CETP: variants seen among roughly 807,000 people sequenced by gnomAD.
The protein encoded by CETP is cholesteryl ester transfer protein.
In CETP, 56 loss-of-function variants were observed where a neutral mutation model predicts 66.5. The ratio of observed to expected loss-of-function variants is 0.84; its 90% CI spans 0.68 to 1.05. The LOEUF is 1.05. CETP is among the 50% of genes least tolerant of loss of function. CETP has a pLI of 0.00. For missense variants in CETP, 612 were observed against 609.6 expected (o/e 1.00, Z -0.04); for synonymous variants, 251 against 245.7 (o/e 1.02, Z -0.20).
intron 11 of CETP, among the ~76,000 whole-genome samples, chr16:56,979,660 G>A (rs142057472): frequency 0.019 from 2,860 of 151,890 alleles, 96 homozygotes; most frequent in African/African-American, 0.065. Context: ...CACTACAGGC[G>A]CGTGCCACCA....
chr16:56,969,828 G>T, intron 4 of CETP, 86 bp from the exon 5 acceptor site: 1 of 1,549,698 alleles, frequency 6.5e-7, no homozygotes. Context: ...CCCCAGAGCT[G>T]GCCAAGCTCT....
chr16:56,969,273 A>T, intron 2 of CETP, 113 bp from the exon 3 acceptor site: 3 of 1,398,368 alleles, frequency 2.1e-6, no homozygotes, highest in Non-Finnish European at 3.0e-6. Context: ...TTAGGAGGAC[A>T]TTTTGGGGGC....
Position 56,981,684 on chromosome 16 carries a change from G to A in CETP, c.1248+4G>A. ...GACTGTTTCCAACTTGACTGAGGTA[G>A]GTAGTCTTGGATAGACTGGGGGAAA... On this transcript the variant is annotated splice_donor_region_variant and intron_variant, in intron 13 of 15. Transcript: ENST00000200676. The A allele has an allele frequency of 1.9e-6, 3 of 1,613,882 alleles. No individual in the cohort carries two copies. Among genetic ancestry groups the A allele is most frequent in the Non-Finnish European group, 2.5e-6 (3 of 1,179,758 alleles).
chr16:56,971,847 A>G, intron 7 of CETP, 145 bp from the exon 8 acceptor site: 3 of 740,940 alleles, frequency 4.0e-6, no homozygotes, highest in Non-Finnish European at 7.2e-6. Flanking sequence ...AAAAAGTGCC[A>G]CACCCCTCCC....
Position 56,969,595 on chromosome 16 carries a change from C to T in CETP, c.369-16C>T, listed in dbSNP as rs376995547. ...GGAGGGCTGAATGAGGGTCCTGGGTCCTTGGCTCTTTCCAGGCTGGGTATT... is the reference window on the plus strand; with the variant it reads ...GGAGGGCTGAATGAGGGTCCTGGGTTCTTGGCTCTTTCCAGGCTGGGTATT... On this transcript the variant is annotated splice_polypyrimidine_tract_variant and intron_variant, in intron 3 of 15. Coordinates refer to ENST00000200676, the MANE Select transcript of CETP (RefSeq NM_000078.3). The T allele has an allele frequency of 3.8e-5, 62 of 1,614,214 alleles. No homozygotes were observed. The African/African-American group carries it at 6.9e-4, about 18-fold the overall frequency.
intron 7 of CETP, 56 bp from the exon 8 acceptor site, chr16:56,971,936 T>G (rs1302929113): frequency 5.5e-6 from 8 of 1,459,344 alleles, no homozygotes; most frequent in Admixed American, 1.7e-5. Context: ...AGGGGAGCGG[T>G]GACTCAGGGC....
Position 56,970,985 on chromosome 16 carries a change from G to A in CETP, c.528-48G>A, listed in dbSNP as rs771618514. On this transcript the variant is annotated intron_variant, in intron 5 of 15. Transcript: ENST00000200676. ...CCTGGTACACACTAGGCGCTCCATG[G>A]ATGCACAGGACTGGTCAGGGGCTCA... 16 of 1,581,366 alleles carry A rather than the reference G, an allele frequency of 1.0e-5. No homozygotes were observed. The East Asian group carries it at 3.1e-4, about 31-fold the overall frequency.
intron 10 of CETP, among the ~76,000 whole-genome samples, chr16:56,975,802 C>G (rs2056146070): frequency 6.6e-6 from 1 of 152,082 alleles, no homozygotes; most frequent in Non-Finnish European, 1.5e-5. Context: ...TCCAGCTGCC[C>G]CCTCCTGTCT....
At chr16:56,981,517 A>C (rs1191286610) in intron 12 of CETP, 130 bp from the exon 13 acceptor site, 71 of 1,151,152 alleles carry the variant, frequency 6.2e-5, no homozygotes, top group Non-Finnish European at 8.9e-5. Context: ...GCAAATCTCA[A>C]GAGAGTGCCC....
rs1272538970 is a variant in CETP at position 56,978,352 on chromosome 16, C to G, written c.1146+97C>G. Reference sequence around the variant, plus strand: ...TGGGGGTCTCTGAAGCCTCCAGATCCTTCTCACCACCTCTGCTGGCACTGG... The same window carrying G: ...TGGGGGTCTCTGAAGCCTCCAGATCGTTCTCACCACCTCTGCTGGCACTGG... On this transcript the variant is annotated intron_variant, in intron 11 of 15. Coordinates refer to ENST00000200676, the MANE Select transcript of CETP (RefSeq NM_000078.3). 1.0e-5 allele frequency: 14 copies of G among 1,404,838 alleles called. No individual in the cohort carries two copies. The African/African-American group carries it at 1.7e-4, about 17-fold the overall frequency. 87.0% of individuals were successfully genotyped at this position (1,404,838 alleles called of 1,614,324 possible). A position where few individuals can be genotyped will look rare whatever the true frequency, so the allele number is the denominator to read the frequency against.
At position 56,963,000 on chromosome 16, in the gene CETP, T is replaced by A. The variant is rs2056035660; in HGVS notation, c.119-10T>A. ...GCCTGCAGCCCCTCATCCACTGCCC[T>A]CCCCTCTAGTGAACCACGAGACTGC... On this transcript the variant is annotated splice_polypyrimidine_tract_variant and intron_variant, in intron 1 of 15. Transcript: ENST00000200676. 1 of 1,612,458 alleles carries A rather than the reference T, an allele frequency of 6.2e-7. No homozygotes were observed. Among genetic ancestry groups the A allele is most frequent in the Non-Finnish European group, 8.5e-7 (1 of 1,178,668 alleles).
At chr16:56,975,482 G>A (rs552688526) in intron 10 of CETP, among the ~76,000 whole-genome samples, 7 of 152,308 alleles carry the variant, frequency 4.6e-5, no homozygotes, top group African/African-American at 1.4e-4. Context: ...ATAGGGACTT[G>A]TAGGGGGCTG....
Position 56,973,376 on chromosome 16 carries a change from A to G in CETP, c.796A>G (p.Thr266Ala). The change falls in exon 9 of 16, where the codon ACC becomes GCC. Residue 266 changes from threonine to alanine, a missense_variant. Thr to Ala is a moderately conservative substitution (Grantham distance 58). Transcript: ENST00000200676. ...KNVSEDLPLP[T>A]FSPTLLGDSR... ...TGTCTCAGAGGACCTCCCCCTCCCC[A>G]CCTTCTCGCCCACACTGCTGGGGGA... The G allele has an allele frequency of 6.2e-7, 1 of 1,613,844 alleles. No homozygotes were observed. The highest frequency in any genetic ancestry group is 8.5e-7 in the Non-Finnish European group (1 of 1,179,972).
In CETP at chr16:56,973,447, G is replaced by A. The variant is rs375666118; in HGVS notation, c.867G>A (p.Ser289=). The A allele has an allele frequency of 8.7e-6, 14 of 1,614,160 alleles. No individual in the cohort carries two copies. The highest frequency in any genetic ancestry group is 3.3e-5 in the South Asian group (3 of 91,084). The stretch of plus-strand genomic sequence containing the variant: ...GGTTCTCTGAGCGAGTCTTCCACTC[G>A]CTGGCCAAGGTAGCTTTCCAGGATG... ...YFWFSERVFH[S]LAKVAFQDGR... is the part of the protein sequence containing the mutation. The change falls in exon 9 of 16, where the codon TCG becomes TCA. Residue 289 remains serine, a synonymous_variant. Transcript: ENST00000200676.
At chr16:56,974,024 G>A (rs1440959237) in intron 9 of CETP, among the ~76,000 whole-genome samples, 3 of 152,290 alleles carry the variant, frequency 2.0e-5, no homozygotes, top group Admixed American at 2.0e-4. Context: ...TTAGGTCAGG[G>A]GTCCATCTTT....
chr16:56,982,169 G>A lies in CETP; in HGVS notation c.1253G>A (p.Ser418Asn). The change falls in exon 14 of 16, where the codon AGC (serine) becomes AAC (asparagine). Residue 418 changes from serine (S) to asparagine (N), a missense_variant. Physicochemically the swap from Ser to Asn is conservative, Grantham distance 46 (BLOSUM62 1). Transcript: ENST00000200676. Reference sequence around the variant, plus strand: ...CCATGGGCATTTGATTGGCAGAGCAGCTCCGAGTCCGTCCAGAGCTTCCTG... The same window carrying A: ...CCATGGGCATTTGATTGGCAGAGCAACTCCGAGTCCGTCCAGAGCTTCCTG... ...PKTVSNLTES[S>N]SESVQSFLQS... The A allele has an allele frequency of 3.1e-6, 5 of 1,614,140 alleles. No homozygotes were observed. The highest frequency in any genetic ancestry group is 4.2e-6 in the Non-Finnish European group (5 of 1,180,014).
intron 2 of CETP, among the ~76,000 whole-genome samples, chr16:56,968,376 G>A (rs532039232): frequency 2.6e-5 from 4 of 152,190 alleles, no homozygotes; most frequent in African/African-American, 9.6e-5. Flanking sequence ...TTGTGGAGAC[G>A]AGATTTCACC....
intron 2 of CETP, among the ~76,000 whole-genome samples, chr16:56,965,900 C>T (rs1235879025): frequency 6.6e-6 from 1 of 152,142 alleles, no homozygotes; most frequent in Non-Finnish European, 1.5e-5. Context: ...GCTGTACCTA[C>T]ACCAAGACCC....
Position 56,970,457 on chromosome 16 carries a change from C to T in CETP, c.527+456C>T, listed in dbSNP as rs145163064. Among the ~76,000 whole-genome samples the T allele has an allele frequency of 3.3e-5, 5 of 152,318 alleles. No individual in the cohort carries two copies. The East Asian group carries it at 9.6e-4, about 29-fold the overall frequency. On this transcript the variant is annotated intron_variant, in intron 5 of 15. Coordinates refer to ENST00000200676, the MANE Select transcript of CETP (RefSeq NM_000078.3). ...GCCAAGCTAAGTAACTTGCTGAGGA[C>T]ACACAACTCGCCACTAAGGGATGGG...
Sources: gnomAD v4.1 joint callset for allele counts (sites outside exome capture counted in the v4.1 genomes callset) on GRCh38, gnomAD v4.1.1 for gene constraint, MANE v1.5 for transcripts, NCBI Gene and HGNC (gene_info 2026-07-23, HGNC 2026-07-21) for gene names.